The following NRDC variants were observed in gnomAD, a reference collection of about 807,000 sequenced individuals.
The protein encoded by NRDC is nardilysin convertase, also known as nardilysin.
NRDC carries 54 observed loss-of-function variants against 147.1 expected under a neutral mutation model. The ratio of observed to expected loss-of-function variants is 0.37; its 90% confidence interval spans 0.29 to 0.46. NRDC has a LOEUF of 0.46. Ranked by LOEUF, NRDC falls within the 20% of genes least tolerant of loss-of-function variation. NRDC has a pLI of 1.00. For missense variants in NRDC, 1,082 were observed against 1,370.6 expected, an observed-to-expected ratio of 0.79 and a Z score of 3.33; for synonymous variants, 440 against 482.1, an observed-to-expected ratio of 0.91 and a Z score of 1.14.
intron 17 of NRDC, 82 bp downstream of exon 17, chr1:51,809,233 A>G (rs1423677187): frequency 1.1e-6 from 1 of 877,384 alleles, no homozygotes. Flanking sequence ...AATTCCTACG[A>G]TACTTTGTAA....
chr1:51,846,736 TG>T (rs1327431506), intron 1 of NRDC, among the ~76,000 whole-genome samples: 1 of 152,248 alleles, frequency 6.6e-6, no homozygotes, highest in African/African-American at 2.4e-5. Context: ...TCGACCCAAG[TG>T]GGTTATCACC....
chr1:51,844,286 T>C (rs1296817015), intron 1 of NRDC, among the ~76,000 whole-genome samples: 1 of 152,100 alleles, frequency 6.6e-6, no homozygotes, highest in Admixed American at 6.6e-5. Context: ...CAGGATGTGA[T>C]TGTATTTAGA....
At chr1:51,852,140 A>C (rs1383635081) in intron 1 of NRDC, among the ~76,000 whole-genome samples, 1 of 152,146 alleles carries the variant, frequency 6.6e-6, no homozygotes, top group Non-Finnish European at 1.5e-5. Context: ...TTTATGGCTG[A>C]CGAAATTTTC....
At position 51,790,539 on chromosome 1, in the gene NRDC, G is replaced by A. The variant is rs776513694; in HGVS notation, c.3162C>T (p.Ala1054=). ...ACTCTGAAAACCATGTTACCTCGTG[G>A]GCAAGGCGGTCAAAGAGGTACTGCT... ...VTQQYLFDRL[A]HEIEALKSFS... Residue 1054 remains alanine (A), a synonymous_variant, in exon 29 of 31, where the codon GCC becomes GCT. Transcript: ENST00000352171. 2 of 1,609,438 alleles carry A rather than the reference G, an allele frequency of 1.2e-6. No homozygotes were observed. The highest frequency in any genetic ancestry group is 2.2e-5 in the East Asian group (1 of 44,864).
chr1:51,847,099 GAC>G (rs1267514830), intron 1 of NRDC, among the ~76,000 whole-genome samples: 4 of 152,108 alleles, frequency 2.6e-5, no homozygotes, highest in Non-Finnish European at 5.9e-5. Flanking sequence ...AGATCAGCTA[GAC>G]ACAGAGTGCA....
chr1:51,877,438 A>T (rs1289406727), intron 1 of NRDC, among the ~76,000 whole-genome samples: 1 of 152,118 alleles, frequency 6.6e-6, no homozygotes, highest in Non-Finnish European at 1.5e-5. Context: ...AGACAGGAGG[A>T]TTCCCTAAGC....
chr1:51,800,147 T>A (rs1679125088), intron 21 of NRDC, among the ~76,000 whole-genome samples: 1 of 152,100 alleles, frequency 6.6e-6, no homozygotes, highest in South Asian at 2.1e-4. Flanking sequence ...GCTAATTTTT[T>A]AATTTTTTGT....
At chr1:51,849,300 A>C (rs189015028) in intron 1 of NRDC, among the ~76,000 whole-genome samples, 16 of 152,184 alleles carry the variant, frequency 1.1e-4, no homozygotes, top group Non-Finnish European at 1.0e-4. Context: ...CGGGAGGCTG[A>C]GGCAGGAGAA....
In NRDC at chr1:51,794,472, C is replaced by A; in HGVS notation, c.2775G>T (p.Gln925His). 6.2e-7 allele frequency: 1 copy of A among 1,614,080 alleles called. No homozygotes were observed. The highest frequency in any genetic ancestry group is 8.5e-7 in the Non-Finnish European group (1 of 1,179,922). The change falls in exon 24 of 31, where the codon CAG (glutamine) becomes CAT (histidine). Residue 925 changes from glutamine (Q) to histidine (H), a missense_variant and splice_region_variant. Physicochemically the swap from Gln to His is conservative, Grantham distance 24 (BLOSUM62 0). This residue lies in a region of NRDC where 635 missense variants were observed against 923.8 expected (regional missense o/e 0.69). Coordinates refer to ENST00000352171, the MANE Select transcript of NRDC (RefSeq NM_001101662.2). ...CCAGTCTTTAGTACACCCAACTGAC[C>A]TGGTAGTACACAGTGACTTCAGAGT... ...DANSEVTVYY[Q>H]SGTRSLREYT...
At chr1:51,845,363 C>T (rs1291738289) in intron 1 of NRDC, among the ~76,000 whole-genome samples, 2 of 152,114 alleles carry the variant, frequency 1.3e-5, no homozygotes, top group African/African-American at 4.8e-5. Context: ...AAGGCCAAGG[C>T]GGGCAGATCA....
In NRDC at chr1:51,834,185, C is replaced by T. The variant is rs1680838015; in HGVS notation, c.713-15G>A. 4 of 1,612,460 alleles carry T rather than the reference C, an allele frequency of 2.5e-6. No individual in the cohort carries two copies. Among genetic ancestry groups the T allele is most frequent in the African/African-American group, 1.3e-5 (1 of 75,006 alleles). On this transcript the variant is annotated splice_polypyrimidine_tract_variant and intron_variant, in intron 3 of 30. Coordinates refer to ENST00000352171, the MANE Select transcript of NRDC (RefSeq NM_001101662.2). ...CATGAATACCACTAAATGGAAAGAA[C>T]ACAAAGTCACACAACACAAAGATAT...
At chr1:51,832,804 A>T (rs1450920432) in intron 4 of NRDC, among the ~76,000 whole-genome samples, 3 of 152,170 alleles carry the variant, frequency 2.0e-5, no homozygotes, top group Non-Finnish European at 4.4e-5. Flanking sequence ...ACTGCTTAGA[A>T]CTTAATAGAA....
chr1:51,846,345 C>T (rs1031147687), intron 1 of NRDC, among the ~76,000 whole-genome samples: 3 of 152,112 alleles, frequency 2.0e-5, no homozygotes, highest in Non-Finnish European at 4.4e-5. Flanking sequence ...AATTCCTGAC[C>T]TCAAGTGATC....
chr1:51,829,663 A>G (rs1245095204), intron 4 of NRDC, among the ~76,000 whole-genome samples: 1 of 152,180 alleles, frequency 6.6e-6, no homozygotes, highest in Non-Finnish European at 1.5e-5. Context: ...CAAGTAAAAT[A>G]CATGGGATGT....
At chr1:51,845,791 C>T (rs1681530902) in intron 1 of NRDC, among the ~76,000 whole-genome samples, 1 of 152,110 alleles carries the variant, frequency 6.6e-6, no homozygotes. Context: ...GCTTTTCTTT[C>T]CTTCACAGCT....
chr1:51,855,902 T>C (rs1682213661), intron 1 of NRDC, among the ~76,000 whole-genome samples: 1 of 151,988 alleles, frequency 6.6e-6, no homozygotes, highest in African/African-American at 2.4e-5. Context: ...AATAATAATA[T>C]ATACTACACA....
chr1:51,817,862 C>A (rs1028962985), intron 10 of NRDC, among the ~76,000 whole-genome samples: 7 of 152,184 alleles, frequency 4.6e-5, no homozygotes, highest in African/African-American at 1.4e-4. Flanking sequence ...AGAAAGGCCA[C>A]TATAACTGAG....
At chr1:51,789,544 A>G (rs778207952) in intron 30 of NRDC, 24 bp downstream of exon 30, 4 of 1,599,678 alleles carry the variant, frequency 2.5e-6, no homozygotes, top group Non-Finnish European at 3.4e-6. Flanking sequence ...CCTAGAATGG[A>G]TGGAGTTAGT....
At chr1:51,855,120 CA>C (rs1290583367) in intron 1 of NRDC, among the ~76,000 whole-genome samples, 1 of 152,174 alleles carries the variant, frequency 6.6e-6, no homozygotes, top group Non-Finnish European at 1.5e-5. Context: ...CAAGATATCC[CA>C]ACCTTTTAGG....
Sources: gnomAD v4.1 joint callset for allele counts (sites outside exome capture counted in the v4.1 genomes callset) on GRCh38, gnomAD v4.1.1 for gene constraint, gnomAD v4.1.1 regional missense constraint, MANE v1.5 for transcripts, NCBI Gene and HGNC (gene_info 2026-07-23, HGNC 2026-07-21) for gene names.